Variants in MCTP2 observed in about 807,000 individuals in gnomAD.
MCTP2 encodes the protein multiple C2 and transmembrane domain containing 2, also known as multiple C2 and transmembrane domain-containing protein 2.
A neutral mutation model predicts 111.6 loss-of-function variants in MCTP2; 132 were observed. The observed-to-expected ratio is 1.18, with a 90% CI of 1.03 to 1.37. MCTP2 has a LOEUF of 1.37. Among genes scored for constraint, MCTP2 ranks in the 40% most tolerant of loss-of-function variants. The probability of loss-of-function intolerance (pLI) is 0.00; values close to 1 mark genes in which losing one functional copy is unlikely to be tolerated. For synonymous variants in MCTP2, 395 were observed against 387.7 expected (o/e 1.02, Z -0.22); for missense variants, 1,183 against 1,067.9 (o/e 1.11, Z -1.50).
chr15:94,412,574 T>G (rs1438831393), intron 17 of MCTP2, among the ~76,000 whole-genome samples: 1 of 152,134 alleles, frequency 6.6e-6, no homozygotes, highest in Non-Finnish European at 1.5e-5. Flanking sequence ...TGGGAGGTGT[T>G]TAAGTTTTGA....
rs891034475 is a variant in MCTP2, at chr15:94,483,942, C to A, written c.*4908C>A. 1.3e-5 allele frequency: 2 copies of A among 152,070 alleles called. No homozygotes were observed. Among genetic ancestry groups the A allele is most frequent in the African/African-American group, 2.4e-5 (1 of 41,392 alleles). The allele number at this position is 152,070 out of a possible 1,614,324, so 9.4% of individuals were successfully genotyped here. ...GTTGAAAAATTAAAATAAAAATTGC[C>A]TGAAAATGCATTGAGTAGTAACTGA... On this transcript the variant is annotated 3_prime_UTR_variant, in exon 23 of 23. Transcript: ENST00000357742.
At chr15:94,387,450 T>C (rs903837602) in intron 14 of MCTP2, among the ~76,000 whole-genome samples, 2 of 152,144 alleles carry the variant, frequency 1.3e-5, no homozygotes, top group Admixed American at 6.6e-5. Context: ...AACTAATGCA[T>C]TTTTCAAAAC....
chr15:94,466,610 C>A (rs192867756), intron 20 of MCTP2, among the ~76,000 whole-genome samples: 1 of 150,786 alleles, frequency 6.6e-6, no homozygotes, highest in African/African-American at 2.4e-5. Flanking sequence ...AAAATCTCCC[C>A]GTGGAGAGTT....
intron 4 of MCTP2, among the ~76,000 whole-genome samples, chr15:94,330,184 G>A (rs952519024): frequency 6.6e-6 from 1 of 152,166 alleles, no homozygotes; most frequent in African/African-American, 2.4e-5. Flanking sequence ...GCAGTGTAAA[G>A]CATGTCTATC....
chr15:94,475,737 C>A (rs564535692), intron 21 of MCTP2, among the ~76,000 whole-genome samples: 1 of 152,136 alleles, frequency 6.6e-6, no homozygotes, highest in African/African-American at 2.4e-5. Context: ...AGCTTATGAG[C>A]TCCGGATATA....
rs561030102 is a variant in MCTP2 at position 94,256,320 on chromosome 15, G to T, written c.-66+24656G>T. ...GACATCTCATTATGTATATGCAAAT[G>T]TTCCAAAATCTACAAAAATCTGAAA... On this transcript the variant is annotated intron_variant, in intron 1 of 22. Transcript: ENST00000357742. Among the ~76,000 whole-genome samples, 46 of 151,588 alleles carry T rather than the reference G, an allele frequency of 3.0e-4. 1 individual carries two copies. Among genetic ancestry groups the T allele is most frequent in the African/African-American group, 9.6e-4 (40 of 41,498 alleles).
chr15:94,284,432 C>G (rs142907130), intron 1 of MCTP2, among the ~76,000 whole-genome samples: 116 of 152,324 alleles, frequency 7.6e-4, no homozygotes, highest in African/African-American at 2.8e-3. Flanking sequence ...AAGTAACCAT[C>G]TGTGGAACAT....
chr15:94,245,537 C>T (rs908866299), intron 1 of MCTP2, among the ~76,000 whole-genome samples: 24 of 138,026 alleles, frequency 1.7e-4, no homozygotes, highest in East Asian at 6.3e-4. Flanking sequence ...TATATACATA[C>T]ATGTATATAT....
chr15:94,376,437 G>C (rs147781951), intron 12 of MCTP2, among the ~76,000 whole-genome samples: 59 of 152,278 alleles, frequency 3.9e-4, no homozygotes, highest in African/African-American at 1.3e-3. Context: ...CAGAAGCAGA[G>C]ACCCATGTGT....
intron 2 of MCTP2, among the ~76,000 whole-genome samples, chr15:94,310,845 C>G (rs1281445369): frequency 2.0e-5 from 3 of 151,522 alleles, no homozygotes; most frequent in African/African-American, 7.3e-5. Context: ...GAGGCCGAGG[C>G]AGGAGGATGG....
intron 7 of MCTP2, chr15:94,343,275 T>C (rs532668942): frequency 1.3e-5 from 2 of 152,236 alleles, no homozygotes; most frequent in South Asian, 4.1e-4. Flanking sequence ...TGAGTTAATA[T>C]TTAAAGAGAT....
chr15:94,471,354 C>A (rs1287239784), intron 21 of MCTP2, among the ~76,000 whole-genome samples: 1 of 152,176 alleles, frequency 6.6e-6, no homozygotes, highest in Non-Finnish European at 1.5e-5. Context: ...GAGACGCATT[C>A]ATCCTTAAGC....
chr15:94,338,675 G>C (rs1410808824), intron 4 of MCTP2, among the ~76,000 whole-genome samples: 1 of 152,138 alleles, frequency 6.6e-6, no homozygotes, highest in African/African-American at 2.4e-5. Flanking sequence ...CCAGCTGAGG[G>C]CCTGGCTGAT....
chr15:94,408,871 G>T (rs992762479), intron 17 of MCTP2, among the ~76,000 whole-genome samples: 1 of 152,162 alleles, frequency 6.6e-6, no homozygotes, highest in African/African-American at 2.4e-5. Context: ...GATGTAAATG[G>T]TTAGCTCCCC....
At chr15:94,308,218 G>T (rs1055651698) in intron 2 of MCTP2, among the ~76,000 whole-genome samples, 3 of 152,162 alleles carry the variant, frequency 2.0e-5, no homozygotes, top group Non-Finnish European at 4.4e-5. Context: ...CCCATGTCTT[G>T]AATTTTAGGT....
chr15:94,295,616 T>G (rs2075238832), intron 1 of MCTP2, among the ~76,000 whole-genome samples: 1 of 152,198 alleles, frequency 6.6e-6, no homozygotes, highest in Non-Finnish European at 1.5e-5. Flanking sequence ...GCTGAGAAGG[T>G]ACTGGCCACC....
chr15:94,401,260 G>T (rs2152475214), intron 16 of MCTP2, among the ~76,000 whole-genome samples: 1 of 152,174 alleles, frequency 6.6e-6, no homozygotes, highest in Admixed American at 6.6e-5. Flanking sequence ...GGATATAAAT[G>T]CTTGAAAGCA....
chr15:94,434,862 T>C (rs2083382966), intron 17 of MCTP2, among the ~76,000 whole-genome samples: 1 of 131,494 alleles, frequency 7.6e-6, no homozygotes, highest in Admixed American at 7.5e-5. Flanking sequence ...TCTTTCTTTT[T>C]TTTTTTCTTT....
intron 20 of MCTP2, among the ~76,000 whole-genome samples, chr15:94,466,089 A>G (rs1416520963): frequency 6.6e-6 from 1 of 152,190 alleles, no homozygotes; most frequent in Non-Finnish European, 1.5e-5. Context: ...TGCATTTTTC[A>G]AAATTCTACT....
Sources: gnomAD v4.1 joint callset for allele counts (sites outside exome capture counted in the v4.1 genomes callset) on GRCh38, gnomAD v4.1.1 for gene constraint, MANE v1.5 for transcripts, NCBI Gene and HGNC (gene_info 2026-07-23, HGNC 2026-07-21) for gene names.